Variants in RAB36 observed in about 807,000 individuals in gnomAD.
RAB36 encodes RAB36, member RAS oncogene family, also known as ras-related protein Rab-36.
Under a neutral mutation model 39.3 loss-of-function variants are expected in RAB36, and 33 were observed. That is an observed-to-expected ratio of 0.84 (90% CI 0.64 to 1.12). The LOEUF (loss-of-function observed/expected upper bound fraction) is 1.12, where lower values mean the gene tolerates loss of function less well. Ranked by LOEUF, RAB36 falls within the 50% of genes most tolerant of loss-of-function variation. RAB36 has a pLI of 0.00. For synonymous variants in RAB36, 133 were observed against 140.2 expected (o/e 0.95, Z 0.36); for missense variants, 308 against 355.3 (o/e 0.87, Z 1.07).
In RAB36 at chr22:23,161,750, TG is replaced by T; in HGVS notation, c.*189del. The T allele has an allele frequency of 1.7e-6, 1 of 587,962 alleles. No individual in the cohort carries two copies. The highest frequency in any genetic ancestry group is 4.6e-4 in the Middle Eastern group (1 of 2,170). 36.4% of individuals were successfully genotyped at this position (587,962 alleles called of 1,614,324 possible). On this transcript the variant is annotated 3_prime_UTR_variant, in exon 11 of 11. Coordinates refer to ENST00000263116, the MANE Select transcript of RAB36 (RefSeq NM_004914.5). ...GCACAGTCACTTGTCCGTTGCAGGT[TG>T]GGCACTAGAAAAGGCCCCCACTGGC...
chr22:23,152,443 C>T lies in RAB36; in HGVS notation c.162-18C>T, dbSNP rs774206277. 4.3e-6 allele frequency: 7 copies of T among 1,613,890 alleles called. No individual in the cohort carries two copies. Among genetic ancestry groups the T allele is most frequent in the African/African-American group, 2.7e-5 (2 of 74,916 alleles). On this transcript the variant is annotated intron_variant, in intron 3 of 10. Coordinates refer to ENST00000263116, the MANE Select transcript of RAB36 (RefSeq NM_004914.5). Reference sequence around the variant, plus strand: ...CTGGAAGGCATGCCCGACGGCAACACGGCCATATTTCTCACAGGCTCAAAC... The same window carrying T: ...CTGGAAGGCATGCCCGACGGCAACATGGCCATATTTCTCACAGGCTCAAAC...
intron 2 of RAB36, among the ~76,000 whole-genome samples, chr22:23,149,387 G>T (rs1336033191): frequency 6.6e-6 from 1 of 152,158 alleles, no homozygotes; most frequent in Non-Finnish European, 1.5e-5. Context: ...GGTGGGTGGG[G>T]TACGTGCAGT....
rs4820540 is a variant in RAB36 at position 23,151,932 on chromosome 22, G to T, written c.162-529G>T. On this transcript the variant is annotated intron_variant, in intron 3 of 10. Transcript: ENST00000263116. ...GTCGGACCCTTACAGATCTCTAAGT[G>T]AGCAGGGCACGGTGGTGTCATGGTC... 7.6e-3 allele frequency among the ~76,000 whole-genome samples: 1,159 copies of T among 152,322 alleles called. 33 individuals carry two copies. Among genetic ancestry groups the T allele is most frequent in the Admixed American group, 0.045 (686 of 15,306 alleles).
intron 5 of RAB36, among the ~76,000 whole-genome samples, chr22:23,155,567 G>T (rs1457720050): frequency 2.6e-5 from 4 of 152,226 alleles, no homozygotes; most frequent in Non-Finnish European, 5.9e-5. Flanking sequence ...CAGAGCCACT[G>T]CTGGAGGCCC....
At chr22:23,149,500 T>C (rs577152685) in intron 2 of RAB36, among the ~76,000 whole-genome samples, 1 of 152,168 alleles carries the variant, frequency 6.6e-6, no homozygotes, top group African/African-American at 2.4e-5. Context: ...TCCAGGCACA[T>C]GTATGCATGT....
At position 23,160,828 on chromosome 22, in the gene RAB36, A is replaced by C. The variant is rs768628087; in HGVS notation, c.620-51A>C. 4 of 1,584,504 alleles carry C rather than the reference A, an allele frequency of 2.5e-6. 1 individual carries two copies. The Admixed American group carries it at 6.9e-5, about 27-fold the overall frequency. ...CTGGCTTTCACACCCAGATGCATTAAGGGGCAAGGAGAAACACTGATGAGG... is the reference window on the plus strand; with the variant it reads ...CTGGCTTTCACACCCAGATGCATTACGGGGCAAGGAGAAACACTGATGAGG... On this transcript the variant is annotated intron_variant, in intron 9 of 10. Coordinates refer to ENST00000263116, the MANE Select transcript of RAB36 (RefSeq NM_004914.5).
At position 23,163,520 on chromosome 22, in the gene RAB36, G is replaced by A. The variant is rs11703280; in HGVS notation, c.*1956G>A. 2.2e-3 allele frequency: 341 copies of A among 152,180 alleles called. 1 individual carries two copies. Among genetic ancestry groups the A allele is most frequent in the Non-Finnish European group, 3.2e-3 (221 of 68,128 alleles). 9.4% of individuals were successfully genotyped at this position (152,180 alleles called of 1,614,324 possible). Reference sequence around the variant, plus strand: ...TGGGATTACAGGCCTGAGCCACCGCGTCCGGCCTCCATAAATGACTTTTAA... The same window carrying A: ...TGGGATTACAGGCCTGAGCCACCGCATCCGGCCTCCATAAATGACTTTTAA... On this transcript the variant is annotated 3_prime_UTR_variant, in exon 11 of 11. Coordinates refer to ENST00000263116, the MANE Select transcript of RAB36 (RefSeq NM_004914.5).
At chr22:23,158,683 C>G (rs1181146231) in intron 7 of RAB36, among the ~76,000 whole-genome samples, 2 of 152,212 alleles carry the variant, frequency 1.3e-5, no homozygotes, top group Non-Finnish European at 2.9e-5. Context: ...TTCACCACCT[C>G]CAGCCAGTGC....
At position 23,153,617 on chromosome 22, in the gene RAB36, C is replaced by G. The variant is rs1176713936; in HGVS notation, c.329+483C>G. The G allele has an allele frequency of 3.0e-6, 3 of 984,608 alleles. No individual in the cohort carries two copies. The African/African-American group carries it at 5.2e-5, about 17-fold the overall frequency. The allele number at this position is 984,608 out of a possible 1,614,324, so 61.0% of individuals were successfully genotyped here. The stretch of plus-strand genomic sequence containing the variant: ...ACAGCACCCACATCCTTCCTCAGGT[C>G]TGAGGCACTCGTCTTCCTCCTCACA... On this transcript the variant is annotated intron_variant, in intron 5 of 10. Coordinates refer to ENST00000263116, the MANE Select transcript of RAB36 (RefSeq NM_004914.5).
chr22:23,145,946 TC>T (rs2070747600), intron 1 of RAB36: 1 of 984,306 alleles, frequency 1.0e-6, no homozygotes, highest in Non-Finnish European at 1.2e-6. Flanking sequence ...CCTAGAGCCT[TC>T]GTCCTTTGCA....
chr22:23,169,175 G>A (rs760709589), downstream of RAB36, among the ~76,000 whole-genome samples: 2 of 152,228 alleles, frequency 1.3e-5, no homozygotes, highest in Non-Finnish European at 2.9e-5. Context: ...CGGAACCTGG[G>A]ACCAGCAGCT....
intron 5 of RAB36, among the ~76,000 whole-genome samples, chr22:23,154,200 C>A (rs1186413941): frequency 6.6e-6 from 1 of 152,134 alleles, no homozygotes; most frequent in African/African-American, 2.4e-5. Flanking sequence ...CCTCTACTCT[C>A]CTGTGAGACC....
rs1273603616 is a variant in RAB36, at chr22:23,165,068, G to T, written c.*3504G>T. 6.6e-6 allele frequency among the ~76,000 whole-genome samples: 1 copy of T among 152,122 alleles called. No individual in the cohort carries two copies. Among genetic ancestry groups the T allele is most frequent in the Non-Finnish European group, 1.5e-5 (1 of 68,024 alleles). ...AGCACTTGATACCTTGAGTGTGATT[G>T]GTCACATCTGGGCTTTCTCCCCCAC... On this transcript the variant is annotated 3_prime_UTR_variant, in exon 11 of 11. Transcript: ENST00000263116.
downstream of RAB36, among the ~76,000 whole-genome samples, chr22:23,167,853 C>G (rs2072076604): frequency 6.6e-6 from 1 of 151,848 alleles, no homozygotes. Flanking sequence ...GCTTCATTGA[C>G]TAATTCTCAT....
At chr22:23,153,229 G>C in intron 5 of RAB36, 95 bp downstream of exon 5, 1 of 957,756 alleles carries the variant, frequency 1.0e-6, no homozygotes, top group African/African-American at 1.6e-5. Context: ...ATGTCAAGGA[G>C]GACTAGTCTA....
chr22:23,158,556 C>G (rs546893670), intron 7 of RAB36, among the ~76,000 whole-genome samples: 1 of 152,226 alleles, frequency 6.6e-6, no homozygotes, highest in African/African-American at 2.4e-5. Context: ...GGGGCATTCA[C>G]ACCCAGCAAC....
upstream of RAB36, chr22:23,145,392 G>A (rs2070703617): frequency 6.2e-7 from 1 of 1,608,864 alleles, no homozygotes. Flanking sequence ...CAAGCTGGAT[G>A]CTTGGACGCG....
chr22:23,161,526 C>T lies in RAB36; in HGVS notation c.766C>T (p.Gln256Ter), dbSNP rs1233087346. Residue 256 changes from glutamine to a stop codon, truncating the protein, a stop_gained, in exon 11 of 11, where the codon CAG (glutamine) becomes TAG (stop). Coordinates refer to ENST00000263116, the MANE Select transcript of RAB36 (RefSeq NM_004914.5). LOFTEE classifies it high-confidence loss of function. ...IQMEGSPPET[Q>*]ESKRPSSLGC... ...AATGGAAGGGAGTCCGCCCGAGACC[C>T]AGGAGAGCAAGAGGCCCTCCAGCCT... 3.1e-6 allele frequency: 5 copies of T among 1,613,026 alleles called. No individual in the cohort carries two copies. The South Asian group carries it at 4.4e-5, about 14-fold the overall frequency.
chr22:23,156,191 G>T, intron 6 of RAB36, 159 bp downstream of exon 6: 1 of 612,512 alleles, frequency 1.6e-6, no homozygotes, highest in South Asian at 2.0e-5. Context: ...CAGGGAAGCT[G>T]CCTTCATCCC....
Sources: gnomAD v4.1 joint callset for allele counts (sites outside exome capture counted in the v4.1 genomes callset) on GRCh38, gnomAD v4.1.1 for gene constraint, MANE v1.5 for transcripts, NCBI Gene and HGNC (gene_info 2026-07-23, HGNC 2026-07-21) for gene names.